The following ZC2HC1B variants were observed in gnomAD, a reference collection of about 807,000 sequenced individuals.
ZC2HC1B encodes the protein zinc finger C2HC-type containing 1B, also known as zinc finger C2HC domain-containing protein 1B.
Under a neutral mutation model 31.0 loss-of-function variants are expected in ZC2HC1B, and 36 were observed. The observed-to-expected ratio is 1.16, with a 90% CI of 0.89 to 1.54. The LOEUF is 1.54. ZC2HC1B is among the 40% of genes most tolerant of loss of function. The probability of loss-of-function intolerance (pLI) is 0.00; values close to 1 mark genes in which losing one functional copy is unlikely to be tolerated. For synonymous variants in ZC2HC1B, 73 were observed against 88.0 expected (o/e 0.83, Z 0.95); for missense variants, 260 against 268.6 (o/e 0.97, Z 0.22).
intron 1 of ZC2HC1B, among the ~76,000 whole-genome samples, chr6:143,879,341 T>A (rs971181589): frequency 1.3e-5 from 2 of 152,220 alleles, no homozygotes; most frequent in African/African-American, 4.8e-5. Flanking sequence ...CCTTTGTCAC[T>A]TTACTATAGC....
chr6:143,922,712 C>A lies in ZC2HC1B; in HGVS notation c.599-14937C>A, dbSNP rs1180013275. Among the ~76,000 whole-genome samples the A allele has an allele frequency of 6.6e-6, 1 of 151,958 alleles. No individual in the cohort carries two copies. The highest frequency in any genetic ancestry group is 1.5e-5 in the Non-Finnish European group (1 of 67,948). On this transcript the variant is annotated intron_variant, in intron 6 of 7. Transcript: ENST00000237275. This position sits in a 1 kb window ranked among gnomAD's most constrained non-coding sequence, Gnocchi z 5.0. ...CCACTGAGTATATATACCACATTTT[C>A]TTTTTTTCAAATTTTATTCACATGT...
chr6:143,888,517 A>G (rs980938630), intron 4 of ZC2HC1B, among the ~76,000 whole-genome samples: 1 of 151,996 alleles, frequency 6.6e-6, no homozygotes, highest in African/African-American at 2.4e-5. Context: ...AAGTTTTCCA[A>G]TCCATGAACA....
In ZC2HC1B at chr6:143,928,824, GT is replaced by G. The variant is rs59359194; in HGVS notation, c.599-8814del. Among the ~76,000 whole-genome samples the G allele has an allele frequency of 8.3e-3, 1,180 of 142,300 alleles. 12 individuals carry two copies. Among genetic ancestry groups the G allele is most frequent in the African/African-American group, 0.029 (1,109 of 38,808 alleles). The allele number at this position is 142,300 out of a possible 152,430, so 93.4% of individuals were successfully genotyped here. On this transcript the variant is annotated intron_variant, in intron 6 of 7. Transcript: ENST00000237275. Reference sequence around the variant, plus strand: ...CTCCTTGTTTAAATGTATTCCTAGGGTTTTTTTTTTTGTTCTTTTTTTTTTA... The same window carrying G: ...CTCCTTGTTTAAATGTATTCCTAGGGTTTTTTTTTTGTTCTTTTTTTTTTA...
chr6:143,877,475 G>T (rs1415256159), intron 1 of ZC2HC1B, among the ~76,000 whole-genome samples: 1 of 148,146 alleles, frequency 6.8e-6, no homozygotes, highest in Non-Finnish European at 1.5e-5. Flanking sequence ...TAGAGACAGG[G>T]TTTCTCCATG....
Position 143,933,173 on chromosome 6 carries a change from C to A in ZC2HC1B, c.599-4476C>A, listed in dbSNP as rs772028793. Among the ~76,000 whole-genome samples, 1 of 152,200 alleles carries A rather than the reference C, an allele frequency of 6.6e-6. No homozygotes were observed. The highest frequency in any genetic ancestry group is 1.5e-5 in the Non-Finnish European group (1 of 68,044). On this transcript the variant is annotated intron_variant, in intron 6 of 7. Coordinates refer to ENST00000237275, the MANE Select transcript of ZC2HC1B (RefSeq NM_001013623.3). This position sits in a 1 kb window ranked among gnomAD's most constrained non-coding sequence, Gnocchi z 6.4. ...GACAGACTCGGGACCACTGGTTAGC[C>A]AGGATGTTTCAGGCAGTGGAATTAG... is the stretch of plus-strand genomic sequence containing the variant.
chr6:143,878,038 T>C (rs979077771), intron 1 of ZC2HC1B, among the ~76,000 whole-genome samples: 8 of 150,884 alleles, frequency 5.3e-5, no homozygotes, highest in African/African-American at 2.0e-4. Context: ...TAGCTGATTC[T>C]TGTTATTCAT....
At chr6:143,891,178 A>G (rs969091405) in intron 4 of ZC2HC1B, among the ~76,000 whole-genome samples, 2 of 151,740 alleles carry the variant, frequency 1.3e-5, no homozygotes, top group East Asian at 3.9e-4. Context: ...ACATAAAAAT[A>G]GTAAATATTT....
intron 6 of ZC2HC1B, among the ~76,000 whole-genome samples, chr6:143,930,078 G>A (rs1778100670): frequency 6.6e-6 from 1 of 151,772 alleles, no homozygotes; most frequent in African/African-American, 2.4e-5. Context: ...TGTGTTTTTG[G>A]TCTCAAGTTC....
chr6:143,870,028 A>G lies in ZC2HC1B; in HGVS notation c.28+5461A>G, dbSNP rs550829596. Among the ~76,000 whole-genome samples, 9 of 152,264 alleles carry G rather than the reference A, an allele frequency of 5.9e-5. No individual in the cohort carries two copies. The East Asian group carries it at 1.3e-3, about 23-fold the overall frequency. On this transcript the variant is annotated intron_variant, in intron 1 of 7. Coordinates refer to ENST00000237275, the MANE Select transcript of ZC2HC1B (RefSeq NM_001013623.3). This position sits in a 1 kb window ranked among gnomAD's most constrained non-coding sequence, Gnocchi z 4.7. ...ACAAATATCTTTCCAGTTTTTGACC[A>G]CTCAGAGAGGTCCATCCACATACCT...
At position 143,865,488 on chromosome 6, in the gene ZC2HC1B, A is replaced by G. The variant is rs1236749959; in HGVS notation, c.28+921A>G. 6.6e-6 allele frequency among the ~76,000 whole-genome samples: 1 copy of G among 152,134 alleles called. No individual in the cohort carries two copies. The highest frequency in any genetic ancestry group is 1.5e-5 in the Non-Finnish European group (1 of 68,026). Reference sequence around the variant, plus strand: ...GCTTGTATTTAAAAATCCTGCACGCATCCCTCCCCTGCATCCTTGACCCTC... The same window carrying G: ...GCTTGTATTTAAAAATCCTGCACGCGTCCCTCCCCTGCATCCTTGACCCTC... On this transcript the variant is annotated intron_variant, in intron 1 of 7. Coordinates refer to ENST00000237275, the MANE Select transcript of ZC2HC1B (RefSeq NM_001013623.3). The surrounding 1 kb of genome is among the most constrained non-coding windows in gnomAD (Gnocchi z 4.4).
chr6:143,894,031 A>G (rs1488356011), intron 4 of ZC2HC1B, among the ~76,000 whole-genome samples: 1 of 152,184 alleles, frequency 6.6e-6, no homozygotes, highest in Non-Finnish European at 1.5e-5. Context: ...TTAGCCTATA[A>G]AGCAATTCCA....
chr6:143,895,673 C>T lies in ZC2HC1B; in HGVS notation c.350-2879C>T, dbSNP rs1777657060. 6.6e-6 allele frequency among the ~76,000 whole-genome samples: 1 copy of T among 152,044 alleles called. No homozygotes were observed. The highest frequency in any genetic ancestry group is 1.5e-5 in the Non-Finnish European group (1 of 68,016). On this transcript the variant is annotated intron_variant, in intron 4 of 7. Transcript: ENST00000237275. The surrounding 1 kb of genome is among the most constrained non-coding windows in gnomAD (Gnocchi z 4.8). Reference sequence around the variant, plus strand: ...AGGATACTGTGACAGTTTATGGGGACAGTGATATAGAATATTTATAATTGT... The same window carrying T: ...AGGATACTGTGACAGTTTATGGGGATAGTGATATAGAATATTTATAATTGT...
chr6:143,934,970 T>C lies in ZC2HC1B; in HGVS notation c.599-2679T>C, dbSNP rs1286323193. Among the ~76,000 whole-genome samples the C allele has an allele frequency of 6.6e-6, 1 of 152,068 alleles. No homozygotes were observed. Among genetic ancestry groups the C allele is most frequent in the Non-Finnish European group, 1.5e-5 (1 of 67,996 alleles). On this transcript the variant is annotated intron_variant, in intron 6 of 7. Coordinates refer to ENST00000237275, the MANE Select transcript of ZC2HC1B (RefSeq NM_001013623.3). The surrounding 1 kb of genome is among the most constrained non-coding windows in gnomAD (Gnocchi z 4.6). ...CAGCAGTGGCGATGGTGGGTGGCTC[T>C]TCAGGTTCCTGGGTGGCATGCATGG... is the stretch of plus-strand genomic sequence containing the variant.
rs184053637 is a variant in ZC2HC1B, at chr6:143,891,992, C to G, written c.349+5171C>G. The stretch of plus-strand genomic sequence containing the variant: ...TCACTGGGTGAAAGGCTAGTCTTAT[C>G]AACAAATGATGGTAGAACAACTGGA... On this transcript the variant is annotated intron_variant, in intron 4 of 7. Transcript: ENST00000237275. Among the ~76,000 whole-genome samples, 5 of 152,242 alleles carry G rather than the reference C, an allele frequency of 3.3e-5. No individual in the cohort carries two copies. The East Asian group carries it at 9.7e-4, about 29-fold the overall frequency.
rs569807470 is a variant in ZC2HC1B, at chr6:143,878,794, C to T, written c.29-5510C>T. Among the ~76,000 whole-genome samples, 4 of 152,306 alleles carry T rather than the reference C, an allele frequency of 2.6e-5. No individual in the cohort carries two copies. The South Asian group carries it at 8.3e-4, about 32-fold the overall frequency. On this transcript the variant is annotated intron_variant, in intron 1 of 7. Coordinates refer to ENST00000237275, the MANE Select transcript of ZC2HC1B (RefSeq NM_001013623.3). ...CAGTTCAGTATTTGCTAATTCAGTGCTCACAGTGACTTTATAGAACTTAAC... is the reference window on the plus strand; with the variant it reads ...CAGTTCAGTATTTGCTAATTCAGTGTTCACAGTGACTTTATAGAACTTAAC...
intron 6 of ZC2HC1B, among the ~76,000 whole-genome samples, chr6:143,933,000 C>T (rs1023908433): frequency 2.6e-5 from 4 of 152,144 alleles, no homozygotes; most frequent in African/African-American, 7.2e-5. Flanking sequence ...AATTTGTCTT[C>T]GGGTCTACCA....
At chr6:143,882,976 A>C (rs1177953628) in intron 1 of ZC2HC1B, among the ~76,000 whole-genome samples, 1 of 151,774 alleles carries the variant, frequency 6.6e-6, no homozygotes, top group East Asian at 1.9e-4. Flanking sequence ...CAGGCTGTTG[A>C]CTCTTTGATA....
chr6:143,904,224 A>C lies in ZC2HC1B; in HGVS notation c.598+1072A>C, dbSNP rs540413063. Among the ~76,000 whole-genome samples, 822 of 152,170 alleles carry C rather than the reference A, an allele frequency of 5.4e-3. 7 individuals are homozygous for C. Among genetic ancestry groups the C allele is most frequent in the African/African-American group, 0.019 (783 of 41,528 alleles). On this transcript the variant is annotated intron_variant, in intron 6 of 7. Coordinates refer to ENST00000237275, the MANE Select transcript of ZC2HC1B (RefSeq NM_001013623.3). ...TTTTGCTAACTTAATCACCAGTGTG[A>C]TTGGTTGTTTTTGTTGTTGACTTTT...
In ZC2HC1B at chr6:143,874,808, A is replaced by G. The variant is rs147615882; in HGVS notation, c.29-9496A>G. On this transcript the variant is annotated intron_variant, in intron 1 of 7. Transcript: ENST00000237275. ...AGTTTGGTGGAGACAGAACCAAATC[A>G]TATCAATTTATTTATTTATTCTTTT... Among the ~76,000 whole-genome samples, 332 of 152,204 alleles carry G rather than the reference A, an allele frequency of 2.2e-3. 2 individuals are homozygous for G. The highest frequency in any genetic ancestry group is 7.8e-3 in the African/African-American group (322 of 41,530).
Sources: allele counts gnomAD v4.1 joint callset (sites outside exome capture counted in the v4.1 genomes callset), GRCh38; gene constraint gnomAD v4.1.1; non-coding constraint Gnocchi (gnomAD v3.1); transcripts MANE v1.5; gene names NCBI Gene and HGNC (gene_info 2026-07-23, HGNC 2026-07-21).